HSD17B11: variants seen among roughly 807,000 people sequenced by gnomAD.
The protein encoded by HSD17B11 is estradiol 17-beta-dehydrogenase 11.
Under a neutral mutation model 27.8 loss-of-function variants are expected in HSD17B11, and 22 were observed. The observed-to-expected ratio is 0.79, with a 90% confidence interval of 0.56 to 1.13. The LOEUF (loss-of-function observed/expected upper bound fraction) is 1.13. Among genes scored for constraint, HSD17B11 ranks in the 50% most tolerant of loss-of-function variants. The probability of loss-of-function intolerance (pLI) is 0.00; values close to 1 mark genes in which losing one functional copy is unlikely to be tolerated. For missense variants in HSD17B11, 314 were observed against 351.1 expected, an observed-to-expected ratio of 0.89 and a Z score of 0.84; for synonymous variants, 117 against 132.8, an observed-to-expected ratio of 0.88 and a Z score of 0.82.
intron 5 of HSD17B11, among the ~76,000 whole-genome samples, chr4:87,341,371 C>A (rs1360300496): frequency 6.6e-6 from 1 of 152,074 alleles, no homozygotes; most frequent in East Asian, 1.9e-4. Context: ...AGGGTTTCAC[C>A]ATATTGCCCA....
At position 87,359,457 on chromosome 4, in the gene HSD17B11, G is replaced by A. The variant is rs1735464932; in HGVS notation, c.558-2041C>T. ...CTCACTTCAACCTAGGAACTTCTGT[G>A]CTCAAGCAATCCTATCACCTCAGCC... On this transcript the variant is annotated intron_variant, in intron 4 of 6. Coordinates refer to ENST00000358290, the MANE Select transcript of HSD17B11 (RefSeq NM_016245.5). Among the ~76,000 whole-genome samples, 3 of 152,146 alleles carry A rather than the reference G, an allele frequency of 2.0e-5. No homozygotes were observed. The South Asian group carries it at 6.2e-4, about 32-fold the overall frequency.
chr4:87,347,116 C>CTTTTTTTTTTTT (rs70957224), intron 5 of HSD17B11, among the ~76,000 whole-genome samples: 41 of 44,310 alleles, frequency 9.3e-4, no homozygotes, highest in African/African-American at 1.1e-3. Context: ...TTTTTTTTTT[C>CTTTTTTTTTTTT]TTTTTTTTTT....
rs58998729 is a variant in HSD17B11 at position 87,381,186 on chromosome 4, CAAAAAAAAA to C, written c.318+1060_318+1068del. ...TGGGCGACAGAGTGAGACTCCATTTCAAAAAAAAAAAAAAAAAAAAAGAACTCAAACCAA... is the reference window on the plus strand; with the variant it reads ...TGGGCGACAGAGTGAGACTCCATTTCAAAAAAAAAAAAGAACTCAAACCAA... On this transcript the variant is annotated intron_variant, in intron 2 of 6. Coordinates refer to ENST00000358290, the MANE Select transcript of HSD17B11 (RefSeq NM_016245.5). Among the ~76,000 whole-genome samples the C allele has an allele frequency of 2.5e-3, 289 of 114,308 alleles. 2 individuals carry two copies. In the South Asian group the frequency reaches 0.036, roughly 14 times the overall value. 75.0% of individuals were successfully genotyped at this position (114,308 alleles called of 152,430 possible).
intron 1 of HSD17B11, among the ~76,000 whole-genome samples, chr4:87,389,853 G>A (rs141508805): frequency 2.0e-5 from 3 of 152,118 alleles, no homozygotes; most frequent in Admixed American, 2.0e-4. Context: ...ACCTACACTT[G>A]TCCTAGGTAA....
At chr4:87,366,593 A>G (rs942412847) in intron 4 of HSD17B11, among the ~76,000 whole-genome samples, 2 of 152,188 alleles carry the variant, frequency 1.3e-5, no homozygotes, top group Non-Finnish European at 2.9e-5. Flanking sequence ...GACTTAGTGT[A>G]TGTTACTAAT....
At chr4:87,342,048 A>C (rs1431815768) in intron 5 of HSD17B11, among the ~76,000 whole-genome samples, 1 of 152,150 alleles carries the variant, frequency 6.6e-6, no homozygotes, top group African/African-American at 2.4e-5. Flanking sequence ...TGGGTGGCTA[A>C]CATTTTGGGG....
intron 5 of HSD17B11, among the ~76,000 whole-genome samples, chr4:87,347,117 T>TTG: frequency 1.9e-5 from 1 of 52,798 alleles, no homozygotes; most frequent in South Asian, 5.3e-4. Context: ...TTTTTTTTTC[T>TTG]TTTTTTTTTT....
chr4:87,370,776 G>T, intron 4 of HSD17B11, among the ~76,000 whole-genome samples: 1 of 80,978 alleles, frequency 1.2e-5, no homozygotes, highest in African/African-American at 6.7e-5. Context: ...TTTTTGAGAC[G>T]GAGTCTCGCT....
At position 87,378,078 on chromosome 4, in the gene HSD17B11, G is replaced by T. The variant is rs763216676; in HGVS notation, c.319-3248C>A. ...CCACCCCAAACAGAAAGGAGGCCATGGGCAAAAGTCTACCAGTACTCCTGT... is the reference window on the plus strand; with the variant it reads ...CCACCCCAAACAGAAAGGAGGCCATTGGCAAAAGTCTACCAGTACTCCTGT... On this transcript the variant is annotated intron_variant, in intron 2 of 6. Coordinates refer to ENST00000358290, the MANE Select transcript of HSD17B11 (RefSeq NM_016245.5). 1.2e-4 allele frequency among the ~76,000 whole-genome samples: 19 copies of T among 152,132 alleles called. No individual in the cohort carries two copies. The South Asian group carries it at 2.1e-3, about 17-fold the overall frequency.
At position 87,353,096 on chromosome 4, in the gene HSD17B11, G is replaced by A. The variant is rs1441354143; in HGVS notation, c.695+4183C>T. 2.0e-4 allele frequency among the ~76,000 whole-genome samples: 21 copies of A among 104,424 alleles called. 3 individuals are homozygous for A. The highest frequency in any genetic ancestry group is 5.0e-4 in the South Asian group (2 of 4,034). 68.5% of individuals were successfully genotyped at this position (104,424 alleles called of 152,430 possible). On this transcript the variant is annotated intron_variant, in intron 5 of 6. Coordinates refer to ENST00000358290, the MANE Select transcript of HSD17B11 (RefSeq NM_016245.5). Reference sequence around the variant, plus strand: ...CACCGTCTTCTGCGTCGCTCACGCTGGGAGCTGTAGACCGGAGCTGTTCCT... The same window carrying A: ...CACCGTCTTCTGCGTCGCTCACGCTAGGAGCTGTAGACCGGAGCTGTTCCT...
intron 5 of HSD17B11, 124 bp from the exon 6 acceptor site, chr4:87,340,730 CTAGTA>C: frequency 1.7e-6 from 1 of 586,608 alleles, no homozygotes; most frequent in Non-Finnish European, 3.0e-6. Flanking sequence ...AGTGTCTAGC[CTAGTA>C]TAGGTGCTCA....
At chr4:87,346,046 G>C (rs180869383) in intron 5 of HSD17B11, among the ~76,000 whole-genome samples, 1 of 152,176 alleles carries the variant, frequency 6.6e-6, no homozygotes, top group African/African-American at 2.4e-5. Flanking sequence ...CTCAACAAAA[G>C]ATTGGCAAAT....
At chr4:87,377,554 C>G (rs1238071663) in intron 2 of HSD17B11, among the ~76,000 whole-genome samples, 1 of 152,074 alleles carries the variant, frequency 6.6e-6, no homozygotes, top group East Asian at 1.9e-4. Context: ...CAATAACTAT[C>G]TCTTCAACTA....
At chr4:87,380,123 C>A (rs1379632013) in intron 2 of HSD17B11, among the ~76,000 whole-genome samples, 4 of 121,720 alleles carry the variant, frequency 3.3e-5, no homozygotes, top group East Asian at 2.8e-4. Flanking sequence ...AAAAAAAAAA[C>A]GTTCTGATAC....
At chr4:87,374,052 C>T (rs1247092190) in intron 3 of HSD17B11, among the ~76,000 whole-genome samples, 1 of 152,162 alleles carries the variant, frequency 6.6e-6, no homozygotes, top group Non-Finnish European at 1.5e-5. Flanking sequence ...AAAGCCAGGG[C>T]AGTGGCTCAT....
rs1303677987 is a variant in HSD17B11, at chr4:87,370,740, A to T, written c.557+1969T>A. ...CCTAGATATTATTATTATTATTATT[A>T]TTATTATTATTATTATTTTTTTTTT... On this transcript the variant is annotated intron_variant, in intron 4 of 6. Coordinates refer to ENST00000358290, the MANE Select transcript of HSD17B11 (RefSeq NM_016245.5). Among the ~76,000 whole-genome samples the T allele has an allele frequency of 9.6e-4, 6 of 6,242 alleles. No individual in the cohort carries two copies. The East Asian group carries it at 0.018, about 19-fold the overall frequency. 4.1% of individuals were successfully genotyped at this position (6,242 alleles called of 152,430 possible). A position where few individuals can be genotyped will look rare whatever the true frequency, so the allele number is the denominator to read the frequency against.
At chr4:87,390,832 A>G (rs370234765) in intron 1 of HSD17B11, 29 bp downstream of exon 1, 44 of 1,594,284 alleles carry the variant, frequency 2.8e-5, no homozygotes, top group Middle Eastern at 3.3e-4. Flanking sequence ...TAAAGGTACC[A>G]GAAAGTAAAA....
rs70957229 is a variant in HSD17B11, at chr4:87,370,755, A to ATTAT, written c.557+1953_557+1954insATAA. On this transcript the variant is annotated intron_variant, in intron 4 of 6. Coordinates refer to ENST00000358290, the MANE Select transcript of HSD17B11 (RefSeq NM_016245.5). Reference sequence around the variant, plus strand: ...TATTATTATTATTATTATTATTATTATTTTTTTTTTTTTTTGAGACGGAGT... The same window carrying ATTAT: ...TATTATTATTATTATTATTATTATTATTATTTTTTTTTTTTTTTTGAGACGGAGT... Among the ~76,000 whole-genome samples the ATTAT allele has an allele frequency of 8.3e-3, 478 of 57,446 alleles. 12 individuals carry two copies. The highest frequency in any genetic ancestry group is 0.046 in the East Asian group (111 of 2,428). 37.7% of individuals were successfully genotyped at this position (57,446 alleles called of 152,430 possible).
At chr4:87,390,360 G>A (rs944352447) in intron 1 of HSD17B11, among the ~76,000 whole-genome samples, 7 of 152,210 alleles carry the variant, frequency 4.6e-5, no homozygotes, top group East Asian at 1.9e-4. Context: ...CGGGGTTTCA[G>A]TGTGTTAGGA....
Sources: allele counts gnomAD v4.1 joint callset (sites outside exome capture counted in the v4.1 genomes callset), GRCh38; gene constraint gnomAD v4.1.1; transcripts MANE v1.5; gene names NCBI Gene and HGNC (gene_info 2026-07-23, HGNC 2026-07-21).